The following ST6GALNAC3 variants were observed in gnomAD, a reference collection of about 807,000 sequenced individuals.
ST6GALNAC3 encodes alpha-N-acetylgalactosaminide alpha-2,6-sialyltransferase 3.
Under a neutral mutation model 32.7 loss-of-function variants are expected in ST6GALNAC3, and 25 were observed. The observed-to-expected ratio is 0.76, with a 90% CI of 0.56 to 1.07. The LOEUF is 1.07. ST6GALNAC3 is among the 50% of genes least tolerant of loss of function. ST6GALNAC3 has a pLI of 0.00. For missense variants in ST6GALNAC3, 355 were observed against 382.4 expected (o/e 0.93, Z 0.60); for synonymous variants, 129 against 133.1 (o/e 0.97, Z 0.21).
At chr1:76,459,360 C>A (rs1451529839) in intron 3 of ST6GALNAC3, among the ~76,000 whole-genome samples, 1 of 152,118 alleles carries the variant, frequency 6.6e-6, no homozygotes, top group African/African-American at 2.4e-5. Flanking sequence ...GTCAGGAGAT[C>A]AAGACCATCC....
chr1:76,382,388 T>G (rs1229225354), intron 2 of ST6GALNAC3, among the ~76,000 whole-genome samples: 1 of 152,186 alleles, frequency 6.6e-6, no homozygotes, highest in African/African-American at 2.4e-5. Flanking sequence ...ATTTCACAAC[T>G]GGAATCTGTA....
chr1:76,297,099 G>T (rs1488167743), intron 1 of ST6GALNAC3, among the ~76,000 whole-genome samples: 1 of 151,998 alleles, frequency 6.6e-6, no homozygotes, highest in African/African-American at 2.4e-5. Context: ...TCAGAAGCAA[G>T]CTTCATAAAT....
intron 3 of ST6GALNAC3, among the ~76,000 whole-genome samples, chr1:76,594,969 C>T (rs547922330): frequency 6.6e-6 from 1 of 152,254 alleles, no homozygotes; most frequent in South Asian, 2.1e-4. Context: ...CACATTGATA[C>T]ATTACATTAT....
intron 3 of ST6GALNAC3, among the ~76,000 whole-genome samples, chr1:76,491,382 C>G (rs1286992296): frequency 6.6e-6 from 1 of 152,114 alleles, no homozygotes; most frequent in African/African-American, 2.4e-5. Context: ...TGCTGGGAAA[C>G]TTTCAGCAGC....
intron 3 of ST6GALNAC3, among the ~76,000 whole-genome samples, chr1:76,591,463 G>A (rs572777257): frequency 6.6e-6 from 1 of 152,194 alleles, no homozygotes; most frequent in South Asian, 2.1e-4. Context: ...AGAGCCCAGG[G>A]CAAGTGTGTA....
chr1:76,634,652 G>C (rs551708024), downstream of ST6GALNAC3: 1 of 137,402 alleles, frequency 7.3e-6, no homozygotes, highest in Non-Finnish European at 1.6e-5. Flanking sequence ...GTAAGGATAT[G>C]TTAATAAAGC....
At chr1:76,272,771 C>T (rs1176797804) in intron 1 of ST6GALNAC3, among the ~76,000 whole-genome samples, 2 of 152,230 alleles carry the variant, frequency 1.3e-5, no homozygotes, top group African/African-American at 4.8e-5. Context: ...GATTGGCTCA[C>T]AACAGTAATT....
chr1:76,479,963 T>A (rs1659617953), intron 3 of ST6GALNAC3, among the ~76,000 whole-genome samples: 7 of 152,194 alleles, frequency 4.6e-5, no homozygotes, highest in Admixed American at 4.6e-4. Flanking sequence ...GTACATTTTT[T>A]AAATACAATG....
chr1:76,455,556 T>C (rs1657714133), intron 3 of ST6GALNAC3, among the ~76,000 whole-genome samples: 1 of 152,182 alleles, frequency 6.6e-6, no homozygotes. Flanking sequence ...GCTGAGGATC[T>C]CACCATTCTG....
At chr1:76,388,094 C>T (rs1183504632) in intron 2 of ST6GALNAC3, among the ~76,000 whole-genome samples, 1 of 151,800 alleles carries the variant, frequency 6.6e-6, no homozygotes, top group African/African-American at 2.4e-5. Context: ...AGCTTTTAAT[C>T]CACTATATTT....
chr1:76,259,668 G>T (rs534449580), intron 1 of ST6GALNAC3, among the ~76,000 whole-genome samples: 5 of 152,278 alleles, frequency 3.3e-5, no homozygotes, highest in African/African-American at 1.2e-4. Context: ...TGAAATGGGT[G>T]TTGTGACCTT....
chr1:76,434,385 A>C lies in ST6GALNAC3; in HGVS notation c.623+21968A>C, dbSNP rs142531837. ...TTGGTCTGTCAGGCTAACTAAATAT[A>C]AGCCCCTGTCCTAAAGAATCAAGCT... On this transcript the variant is annotated intron_variant, in intron 3 of 4. Coordinates refer to ENST00000328299, the MANE Select transcript of ST6GALNAC3 (RefSeq NM_152996.4). Among the ~76,000 whole-genome samples the C allele has an allele frequency of 3.3e-5, 5 of 152,326 alleles. No individual in the cohort carries two copies. In the East Asian group the frequency reaches 9.7e-4, roughly 29 times the overall value.
In ST6GALNAC3 at chr1:76,509,854, A is replaced by G. The variant is rs1344242497; in HGVS notation, c.623+97437A>G. ...AGGACCCCCATGGTTACATTGGGCC[A>G]GAATAATCCTTCAAATTCAAGATCC... On this transcript the variant is annotated intron_variant, in intron 3 of 4. Transcript: ENST00000328299. The surrounding 1 kb of genome is among the most constrained non-coding windows in gnomAD (Gnocchi z 5.5). 2.0e-5 allele frequency among the ~76,000 whole-genome samples: 3 copies of G among 152,212 alleles called. No individual in the cohort carries two copies. Among genetic ancestry groups the G allele is most frequent in the African/African-American group, 4.8e-5 (2 of 41,468 alleles).
intron 1 of ST6GALNAC3, among the ~76,000 whole-genome samples, chr1:76,111,355 A>G (rs1157740355): frequency 1.3e-5 from 2 of 152,178 alleles, no homozygotes; most frequent in African/African-American, 4.8e-5. Flanking sequence ...TCCACTGGAC[A>G]TGCAGTTTGG....
intron 2 of ST6GALNAC3, among the ~76,000 whole-genome samples, chr1:76,328,395 AC>A (rs1435005374): frequency 6.6e-6 from 1 of 152,202 alleles, no homozygotes; most frequent in Non-Finnish European, 1.5e-5. Context: ...TGGACCAAGT[AC>A]AAAAGTGAAG....
At chr1:76,576,917 G>C in intron 3 of ST6GALNAC3, 1 of 1,286,608 alleles carries the variant, frequency 7.8e-7, no homozygotes, top group Non-Finnish European at 1.0e-6. Flanking sequence ...CACCACAAAA[G>C]GAAGGAAGGA....
intron 2 of ST6GALNAC3, among the ~76,000 whole-genome samples, chr1:76,400,505 G>T (rs1258061323): frequency 6.6e-6 from 1 of 152,102 alleles, no homozygotes; most frequent in Non-Finnish European, 1.5e-5. Flanking sequence ...AATGAAGTGG[G>T]CCTGCCTCTT....
At chr1:76,333,638 C>G (rs1302713047) in intron 2 of ST6GALNAC3, among the ~76,000 whole-genome samples, 2 of 152,182 alleles carry the variant, frequency 1.3e-5, no homozygotes, top group Middle Eastern at 3.2e-3. Context: ...TTGCCTCACT[C>G]TTCAGTGAAT....
intron 3 of ST6GALNAC3, among the ~76,000 whole-genome samples, chr1:76,502,486 A>C (rs1214370017): frequency 6.6e-6 from 1 of 152,176 alleles, no homozygotes; most frequent in Non-Finnish European, 1.5e-5. Context: ...TGTGAGGGGC[A>C]GATTTGCTCT....
Sources: allele counts gnomAD v4.1 joint callset (sites outside exome capture counted in the v4.1 genomes callset), GRCh38; gene constraint gnomAD v4.1.1; non-coding constraint Gnocchi (gnomAD v3.1); transcripts MANE v1.5; gene names NCBI Gene and HGNC (gene_info 2026-07-23, HGNC 2026-07-21).